Variants in SLC2A9 observed in about 807,000 individuals in gnomAD.
SLC2A9 encodes the protein solute carrier family 2 member 9.
SLC2A9 carries 39 observed loss-of-function variants against 50.6 expected under a neutral mutation model. The observed-to-expected ratio is 0.77, with a 90% CI of 0.60 to 1.01. SLC2A9 has a LOEUF of 1.01. Among genes scored for constraint, SLC2A9 ranks in the 50% least tolerant of loss-of-function variants. SLC2A9 has a pLI of 0.00. For missense variants in SLC2A9, 686 were observed against 677.6 expected (o/e 1.01, Z -0.14); for synonymous variants, 324 against 276.9 (o/e 1.17, Z -1.69).
At chr4:9,964,709 G>A (rs574332865) in intron 5 of SLC2A9, among the ~76,000 whole-genome samples, 1 of 152,142 alleles carries the variant, frequency 6.6e-6, no homozygotes, top group Non-Finnish European at 1.5e-5. Flanking sequence ...AAGTCAAAAA[G>A]TTCACAGAAA....
chr4:9,901,797 T>C (rs1282200074), intron 8 of SLC2A9, among the ~76,000 whole-genome samples: 1 of 152,136 alleles, frequency 6.6e-6, no homozygotes, highest in Non-Finnish European at 1.5e-5. Context: ...ACCCATTGGC[T>C]CAAATCAACA....
downstream of SLC2A9, chr4:9,826,111 T>C (rs1725086663): frequency 7.4e-6 from 3 of 406,706 alleles, no homozygotes; most frequent in East Asian, 1.0e-4. Context: ...AGAAGGCAGG[T>C]CATCTACCTA....
At chr4:9,853,763 A>G (rs1730325379) in intron 10 of SLC2A9, among the ~76,000 whole-genome samples, 1 of 152,204 alleles carries the variant, frequency 6.6e-6, no homozygotes, top group African/African-American at 2.4e-5. Context: ...TATTCAGCAA[A>G]TTGACAAAAA....
At chr4:9,846,678 T>C (rs1387712778) in intron 10 of SLC2A9, among the ~76,000 whole-genome samples, 1 of 152,188 alleles carries the variant, frequency 6.6e-6, no homozygotes, top group East Asian at 1.9e-4. Flanking sequence ...ATTATTACCA[T>C]GTGGAGGTAG....
intron 5 of SLC2A9, among the ~76,000 whole-genome samples, chr4:9,953,137 G>A (rs576640755): frequency 3.3e-5 from 5 of 152,270 alleles, no homozygotes; most frequent in East Asian, 1.9e-4. Flanking sequence ...GGTTCGGATC[G>A]CATCTTGGTC....
chr4:9,901,833 C>T (rs1263801287), intron 8 of SLC2A9, among the ~76,000 whole-genome samples: 4 of 152,164 alleles, frequency 2.6e-5, no homozygotes, highest in South Asian at 2.1e-4. Context: ...GACCTCTAGG[C>T]GGCTTCAGCA....
intron 6 of SLC2A9, among the ~76,000 whole-genome samples, chr4:9,939,438 T>C (rs572373712): frequency 3.8e-4 from 58 of 152,328 alleles, no homozygotes; most frequent in Non-Finnish European, 6.9e-4. Context: ...ATCAACAGAC[T>C]GGAGAAGGGG....
chr4:9,890,665 C>T lies in SLC2A9; in HGVS notation c.1160G>A (p.Gly387Asp). The T allele has an allele frequency of 6.2e-7, 1 of 1,614,128 alleles. No individual in the cohort carries two copies. Among genetic ancestry groups the T allele is most frequent in the Non-Finnish European group, 8.5e-7 (1 of 1,180,016 alleles). ...HLGRRPLLIG[G>D]FGLMGLFFGT... ...AAAGAAGAGGCCCATGAGCCCAAAG[C>T]CACCAATGAGGAGGGGTCTCCGTCC... Residue 387 changes from glycine (G) to aspartate (D), a missense_variant, in exon 9 of 12, where the codon GGC becomes GAC. Gly to Asp is a moderately conservative substitution (Grantham distance 94). Coordinates refer to ENST00000264784, the MANE Select transcript of SLC2A9 (RefSeq NM_020041.3).
At chr4:9,886,886 A>T (rs1195948192) in intron 10 of SLC2A9, among the ~76,000 whole-genome samples, 1 of 152,224 alleles carries the variant, frequency 6.6e-6, no homozygotes, top group African/African-American at 2.4e-5. Context: ...GTCGTTGTAC[A>T]GATGGGGAAA....
intron 5 of SLC2A9, among the ~76,000 whole-genome samples, chr4:9,973,862 A>T (rs1754326650): frequency 6.6e-6 from 1 of 150,884 alleles, no homozygotes; most frequent in Non-Finnish European, 1.5e-5. Context: ...AAAGTATTAA[A>T]AAAAAAAAAA....
At chr4:9,800,249 G>A (rs1721212487) in intron 3 of SLC2A9, among the ~76,000 whole-genome samples, 1 of 152,158 alleles carries the variant, frequency 6.6e-6, no homozygotes, top group Non-Finnish European at 1.5e-5. Context: ...GGTCATGGAC[G>A]TGGGTTGAAT....
chr4:9,864,727 T>C (rs1439201595), intron 10 of SLC2A9, among the ~76,000 whole-genome samples: 1 of 152,236 alleles, frequency 6.6e-6, no homozygotes, highest in Admixed American at 6.5e-5. Context: ...TGCCATTTCA[T>C]ATTTCCATTT....
intron 8 of SLC2A9, 148 bp downstream of exon 8, chr4:9,908,086 CA>C (rs1741015227): frequency 7.2e-6 from 5 of 690,308 alleles, no homozygotes; most frequent in Admixed American, 4.4e-5. Flanking sequence ...TCTTTAAAAC[CA>C]AGAGTTTGCT....
chr4:9,785,836 A>G (rs531454998), intron 3 of SLC2A9, among the ~76,000 whole-genome samples: 18 of 152,360 alleles, frequency 1.2e-4, no homozygotes, highest in Non-Finnish European at 2.1e-4. Flanking sequence ...TGTACTGACC[A>G]GGATAGATAA....
At chr4:9,784,699 A>G (rs1357130101) in intron 3 of SLC2A9, among the ~76,000 whole-genome samples, 1 of 152,182 alleles carries the variant, frequency 6.6e-6, no homozygotes, top group Non-Finnish European at 1.5e-5. Flanking sequence ...AGCCAAGGGG[A>G]GTGTTTTATT....
upstream of SLC2A9, among the ~76,000 whole-genome samples, chr4:10,025,402 G>A (rs2109580619): frequency 6.6e-6 from 1 of 152,260 alleles, no homozygotes; most frequent in East Asian, 1.9e-4. Context: ...AGAGCCCTAT[G>A]TAAAGGTCCA....
At chr4:9,854,632 A>G (rs1180314607) in intron 10 of SLC2A9, among the ~76,000 whole-genome samples, 1 of 152,226 alleles carries the variant, frequency 6.6e-6, no homozygotes, top group Non-Finnish European at 1.5e-5. Flanking sequence ...TCCTGATACC[A>G]AAACCTGGCA....
At chr4:9,891,407 G>A (rs1427205609) in intron 8 of SLC2A9, among the ~76,000 whole-genome samples, 6 of 152,122 alleles carry the variant, frequency 3.9e-5, no homozygotes, top group East Asian at 1.9e-4. Flanking sequence ...TTTATATTCC[G>A]GCTTTACTAT....
At chr4:9,939,708 T>C (rs371664156) in intron 6 of SLC2A9, among the ~76,000 whole-genome samples, 21 of 152,294 alleles carry the variant, frequency 1.4e-4, no homozygotes, top group African/African-American at 5.1e-4. Context: ...TAGTTTTCAA[T>C]ACAGATGAGC....
Sources: gnomAD v4.1 joint callset for allele counts (sites outside exome capture counted in the v4.1 genomes callset) on GRCh38, gnomAD v4.1.1 for gene constraint, MANE v1.5 for transcripts, NCBI Gene and HGNC (gene_info 2026-07-23, HGNC 2026-07-21) for gene names.